SPOCK3: variants seen among roughly 807,000 people sequenced by gnomAD.
The protein encoded by SPOCK3 is testican-3.
SPOCK3 carries 30 observed loss-of-function variants against 56.6 expected under a neutral mutation model. The observed-to-expected ratio is 0.53, with a 90% CI of 0.40 to 0.72. The LOEUF is 0.72. SPOCK3 is among the 30% of genes least tolerant of loss of function. The pLI, the probability that SPOCK3 is intolerant of heterozygous loss-of-function variation, is 0.00. For missense variants in SPOCK3, 527 were observed against 530.0 expected (o/e 0.99, Z 0.06); for synonymous variants, 196 against 183.3 (o/e 1.07, Z -0.56).
intron 4 of SPOCK3, among the ~76,000 whole-genome samples, chr4:166,924,406 A>G (rs1252108843): frequency 6.6e-6 from 1 of 152,214 alleles, no homozygotes; most frequent in Non-Finnish European, 1.5e-5. Context: ...AAATACTTTA[A>G]ACCTTTCAGA....
At chr4:166,923,355 G>T (rs534711897) in intron 4 of SPOCK3, among the ~76,000 whole-genome samples, 1 of 152,200 alleles carries the variant, frequency 6.6e-6, no homozygotes, top group African/African-American at 2.4e-5. Context: ...TCACTCTTAT[G>T]CTTTATAAGA....
chr4:167,083,344 A>C (rs1297683312), intron 2 of SPOCK3: 1 of 763,192 alleles, frequency 1.3e-6, no homozygotes. Context: ...CACCATGTGC[A>C]TTCTCTCTTG....
chr4:166,866,531 A>C (rs1731861272), intron 6 of SPOCK3, among the ~76,000 whole-genome samples: 1 of 152,182 alleles, frequency 6.6e-6, no homozygotes, highest in Non-Finnish European at 1.5e-5. Context: ...CAATCTATCT[A>C]TCTGACAAAT....
chr4:166,866,704 C>T (rs1469864303), intron 6 of SPOCK3, among the ~76,000 whole-genome samples: 2 of 152,150 alleles, frequency 1.3e-5, no homozygotes, highest in East Asian at 1.9e-4. Flanking sequence ...TGGTTGACAA[C>T]TTTTATGAAA....
chr4:166,996,637 T>C (rs541903180), intron 4 of SPOCK3, among the ~76,000 whole-genome samples: 150 of 152,282 alleles, frequency 9.9e-4, no homozygotes, highest in African/African-American at 3.3e-3. Flanking sequence ...CTGGTAATGA[T>C]AAAGGTAACA....
At chr4:167,108,352 C>T (rs1443766184) in intron 2 of SPOCK3, among the ~76,000 whole-genome samples, 2 of 151,930 alleles carry the variant, frequency 1.3e-5, no homozygotes, top group Non-Finnish European at 1.5e-5. Flanking sequence ...GATATCTCCA[C>T]TCTCATGTTT....
intron 4 of SPOCK3, among the ~76,000 whole-genome samples, chr4:166,940,798 C>T (rs908834120): frequency 6.9e-6 from 1 of 144,178 alleles, no homozygotes; most frequent in South Asian, 2.4e-4. Flanking sequence ...CAAGTAAGCA[C>T]TAGTTGCTAC....
intron 2 of SPOCK3, among the ~76,000 whole-genome samples, chr4:167,196,336 T>C (rs186989460): frequency 6.6e-6 from 1 of 152,278 alleles, no homozygotes; most frequent in East Asian, 1.9e-4. Flanking sequence ...TTGTATTAGT[T>C]ATCTATTGCC....
chr4:166,762,204 T>A (rs1437003482), intron 7 of SPOCK3, among the ~76,000 whole-genome samples: 1 of 152,128 alleles, frequency 6.6e-6, no homozygotes, highest in Non-Finnish European at 1.5e-5. Flanking sequence ...TCTGTGCAAG[T>A]GCTCACCTTG....
chr4:167,104,698 C>A (rs1399038830), intron 2 of SPOCK3, among the ~76,000 whole-genome samples: 1 of 151,820 alleles, frequency 6.6e-6, no homozygotes, highest in Non-Finnish European at 1.5e-5. Context: ...GGAGAAAATT[C>A]CCAAACCTAG....
intron 7 of SPOCK3, among the ~76,000 whole-genome samples, chr4:166,790,353 TAGACCCAAAGA>T (rs887556194): frequency 6.6e-6 from 1 of 152,082 alleles, no homozygotes; most frequent in Non-Finnish European, 1.5e-5. Context: ...TTAAATAAGA[TAGACCCAAAGA>T]AGAATTCACC....
chr4:167,067,609 G>A (rs1044295120), intron 2 of SPOCK3, among the ~76,000 whole-genome samples: 2 of 151,812 alleles, frequency 1.3e-5, no homozygotes, highest in Non-Finnish European at 3.0e-5. Context: ...CTTACCTGAA[G>A]TCTGATGTCA....
At chr4:167,005,900 T>A (rs1015132740) in intron 3 of SPOCK3, among the ~76,000 whole-genome samples, 1 of 152,206 alleles carries the variant, frequency 6.6e-6, no homozygotes, top group African/African-American at 2.4e-5. Flanking sequence ...TATTTTTAAT[T>A]GCAGGGTGGT....
At chr4:166,788,294 A>G (rs930475968) in intron 7 of SPOCK3, among the ~76,000 whole-genome samples, 4 of 152,204 alleles carry the variant, frequency 2.6e-5, no homozygotes, top group Non-Finnish European at 5.9e-5. Flanking sequence ...GTTTTTCAAT[A>G]AAGCCAACTT....
At chr4:167,193,331 A>G (rs1157361381) in intron 2 of SPOCK3, among the ~76,000 whole-genome samples, 1 of 145,828 alleles carries the variant, frequency 6.9e-6, no homozygotes, top group Non-Finnish European at 1.5e-5. Flanking sequence ...TTTACATAAA[A>G]TACCTTTGTT....
intron 2 of SPOCK3, among the ~76,000 whole-genome samples, chr4:167,198,682 T>C (rs1243090456): frequency 6.6e-6 from 1 of 152,170 alleles, no homozygotes; most frequent in African/African-American, 2.4e-5. Flanking sequence ...TTAGTGTCCA[T>C]GCTTTGAATC....
chr4:167,109,258 T>C (rs1218806005), intron 2 of SPOCK3, among the ~76,000 whole-genome samples: 1 of 90,022 alleles, frequency 1.1e-5, no homozygotes, highest in East Asian at 3.3e-4. Flanking sequence ...TATTATATAT[T>C]TATTATTATT....
intron 3 of SPOCK3, among the ~76,000 whole-genome samples, chr4:167,025,388 T>C (rs980000703): frequency 3.9e-5 from 6 of 151,960 alleles, no homozygotes; most frequent in Admixed American, 3.9e-4. Context: ...CTTAAACAAG[T>C]TGAAAGGGTA....
At chr4:166,798,218 C>G (rs866625123) in intron 6 of SPOCK3, among the ~76,000 whole-genome samples, 1 of 152,172 alleles carries the variant, frequency 6.6e-6, no homozygotes, top group Admixed American at 6.5e-5. Flanking sequence ...ATCCTACTTA[C>G]TAAGCAAAAA....
Sources: gnomAD v4.1 joint callset for allele counts (sites outside exome capture counted in the v4.1 genomes callset) on GRCh38, gnomAD v4.1.1 for gene constraint, MANE v1.5 for transcripts, NCBI Gene and HGNC (gene_info 2026-07-23, HGNC 2026-07-21) for gene names.